The following VAT1L variants were observed in gnomAD, a reference collection of about 807,000 sequenced individuals.
VAT1L encodes putative NADPH-dependent quinone oxidoreductase VAT1L.
VAT1L carries 34 observed loss-of-function variants against 44.1 expected under a neutral mutation model. The observed-to-expected ratio is 0.77, with a 90% confidence interval of 0.59 to 1.03. The LOEUF is 1.03. Among genes scored for constraint, VAT1L ranks in the 50% least tolerant of loss-of-function variants. The probability of loss-of-function intolerance (pLI) is 0.00; values close to 1 mark genes in which losing one functional copy is unlikely to be tolerated. For missense variants in VAT1L, 615 were observed against 538.8 expected, an observed-to-expected ratio of 1.14 and a Z score of -1.40; for synonymous variants, 253 against 202.2, an observed-to-expected ratio of 1.25 and a Z score of -2.13.
At chr16:77,861,771 T>C (rs1026745565) in intron 3 of VAT1L, among the ~76,000 whole-genome samples, 2 of 152,220 alleles carry the variant, frequency 1.3e-5, no homozygotes, top group African/African-American at 4.8e-5. Flanking sequence ...CCTCAACAAG[T>C]ATCAGATGCA....
chr16:77,961,623 CT>C (rs1482464465), intron 7 of VAT1L, among the ~76,000 whole-genome samples: 1 of 152,174 alleles, frequency 6.6e-6, no homozygotes, highest in Non-Finnish European at 1.5e-5. Flanking sequence ...CAACCTCATT[CT>C]TTCTCTTAAG....
intron 8 of VAT1L, 130 bp from the exon 9 acceptor site, chr16:77,977,467 T>C: frequency 4.8e-6 from 4 of 829,220 alleles, no homozygotes; most frequent in Non-Finnish European, 7.6e-6. Context: ...AATCCTGCAT[T>C]GCCTTCCAGG....
chr16:77,821,943 G>T (rs1457639822), intron 2 of VAT1L, among the ~76,000 whole-genome samples: 1 of 152,126 alleles, frequency 6.6e-6, no homozygotes, highest in Non-Finnish European at 1.5e-5. Flanking sequence ...AGAAATAGTA[G>T]ATACAAAAGC....
intron 7 of VAT1L, among the ~76,000 whole-genome samples, chr16:77,904,383 A>G (rs2017418662): frequency 6.6e-6 from 1 of 152,154 alleles, no homozygotes; most frequent in Non-Finnish European, 1.5e-5. Context: ...GGCTTAAACA[A>G]TAGAGATTTG....
At position 77,979,368 on chromosome 16, in the gene VAT1L, A is replaced by G. The variant is rs1330274778; in HGVS notation, c.*1673A>G. The G allele has an allele frequency of 1.3e-5, 2 of 152,170 alleles. No individual in the cohort carries two copies. Among genetic ancestry groups the G allele is most frequent in the African/African-American group, 4.8e-5 (2 of 41,440 alleles). 9.4% of individuals were successfully genotyped at this position (152,170 alleles called of 1,614,324 possible). On this transcript the variant is annotated 3_prime_UTR_variant, in exon 9 of 9. Transcript: ENST00000302536. The stretch of plus-strand genomic sequence containing the variant: ...ATCTTTTCTTCGTACTCCAGGACCC[A>G]CCAATATTCCAGTTCTGGGTCATTT...
At chr16:77,883,320 C>T (rs1304548514) in intron 6 of VAT1L, among the ~76,000 whole-genome samples, 1 of 152,142 alleles carries the variant, frequency 6.6e-6, no homozygotes, top group African/African-American at 2.4e-5. Flanking sequence ...GCAATTAAAT[C>T]ATAACAAAGC....
chr16:77,792,752 G>C (rs1428816251), intron 1 of VAT1L, among the ~76,000 whole-genome samples: 1 of 152,156 alleles, frequency 6.6e-6, no homozygotes, highest in Non-Finnish European at 1.5e-5. Context: ...ACGCCTTCTG[G>C]TTGGCCTTGG....
chr16:77,795,910 C>G (rs1270310658), intron 1 of VAT1L, among the ~76,000 whole-genome samples: 1 of 148,580 alleles, frequency 6.7e-6, no homozygotes, highest in Admixed American at 6.8e-5. Flanking sequence ...ACTGCAACCT[C>G]CACCTACCAA....
At chr16:77,852,938 C>T (rs13336766) in intron 3 of VAT1L, among the ~76,000 whole-genome samples, 8,203 of 152,184 alleles carry the variant, frequency 0.054, 438 homozygotes, top group East Asian at 0.28. Flanking sequence ...TGATGAGGAT[C>T]GAATGAGCTA....
rs1185586231 is a variant in VAT1L at position 77,816,946 on chromosome 16, G to T, written c.259G>T (p.Val87Leu). 1 of 1,613,636 alleles carries T rather than the reference G, an allele frequency of 6.2e-7. No homozygotes were observed. Among genetic ancestry groups the T allele is most frequent in the African/African-American group, 1.3e-5 (1 of 74,856 alleles). Residue 87 changes from valine to leucine, a missense_variant, in exon 2 of 9, where the codon GTG becomes TTG. Physicochemically the swap from Val to Leu is conservative, Grantham distance 32. Transcript: ENST00000302536. ...TGGATTAAACTTCATTGACTTGATG[G>T]TGCGACAAGGGAATATTGACAACCC... is the stretch of plus-strand genomic sequence containing the variant. Reference protein sequence around the residue: ...ACGLNFIDLMVRQGNIDNPPK... With the variant: ...ACGLNFIDLMLRQGNIDNPPK...
At chr16:77,926,608 G>C (rs766358136) in intron 7 of VAT1L, among the ~76,000 whole-genome samples, 11 of 152,106 alleles carry the variant, frequency 7.2e-5, no homozygotes, top group Non-Finnish European at 1.2e-4. Flanking sequence ...AGGGGTAAGA[G>C]CTAAAAGATA....
At chr16:77,801,512 T>C (rs4362399) in intron 1 of VAT1L, 8,363 of 152,242 alleles carry the variant, frequency 0.055, 333 homozygotes, top group East Asian at 0.13. Flanking sequence ...AGGTTTGTTA[T>C]TGTTCCCAGA....
intron 4 of VAT1L, among the ~76,000 whole-genome samples, chr16:77,866,396 T>A (rs2016974466): frequency 6.6e-6 from 1 of 151,866 alleles, no homozygotes. Flanking sequence ...ATGAAAAAAA[T>A]GCCCATGGTA....
At chr16:77,946,279 C>CTTTTTTTTTTTTTTTTCTTTTTTTT (rs2017964300) in intron 7 of VAT1L, among the ~76,000 whole-genome samples, 1 of 70,428 alleles carries the variant, frequency 1.4e-5, no homozygotes, top group Non-Finnish European at 2.5e-5. Context: ...GTTACTTGTT[C>CTTTTTTTTTTTTTTTTCTTTTTTTT]TTTTTTTTTT....
chr16:77,848,790 C>A (rs1042541005), intron 3 of VAT1L, among the ~76,000 whole-genome samples: 1 of 152,114 alleles, frequency 6.6e-6, no homozygotes, highest in African/African-American at 2.4e-5. Context: ...GGAACCCACC[C>A]AAATGCCCAT....
chr16:77,836,789 C>G (rs538756985), intron 3 of VAT1L, among the ~76,000 whole-genome samples: 2 of 152,180 alleles, frequency 1.3e-5, no homozygotes, highest in Non-Finnish European at 1.5e-5. Flanking sequence ...GACCGTAAAT[C>G]ATGATTGACT....
intron 7 of VAT1L, among the ~76,000 whole-genome samples, chr16:77,967,258 A>G (rs1307061286): frequency 1.3e-5 from 2 of 152,136 alleles, no homozygotes; most frequent in South Asian, 2.1e-4. Flanking sequence ...TGGATGTTTT[A>G]TCTGTGAAAC....
chr16:77,865,769 A>T (rs2016967412), intron 4 of VAT1L, among the ~76,000 whole-genome samples: 2 of 152,182 alleles, frequency 1.3e-5, no homozygotes, highest in Admixed American at 1.3e-4. Context: ...TGCTGAACTT[A>T]TGAACCTGAA....
intron 7 of VAT1L, among the ~76,000 whole-genome samples, chr16:77,950,031 A>G (rs1010843808): frequency 6.6e-6 from 1 of 152,250 alleles, no homozygotes; most frequent in Non-Finnish European, 1.5e-5. Context: ...TGTGGTGATC[A>G]AAGTGAGCTG....
Sources: allele counts gnomAD v4.1 joint callset (sites outside exome capture counted in the v4.1 genomes callset), GRCh38; gene constraint gnomAD v4.1.1; transcripts MANE v1.5; gene names NCBI Gene and HGNC (gene_info 2026-07-23, HGNC 2026-07-21).